Variants in PLXNA4 observed in about 807,000 individuals in gnomAD.
PLXNA4 encodes the protein plexin-A4.
Under a neutral mutation model 191.8 loss-of-function variants are expected in PLXNA4, and 44 were observed. The ratio of observed to expected loss-of-function variants is 0.23; its 90% CI spans 0.18 to 0.29. The LOEUF (loss-of-function observed/expected upper bound fraction) is 0.29. Ranked by LOEUF, PLXNA4 falls within the 10% of genes least tolerant of loss-of-function variation. The probability of loss-of-function intolerance (pLI) is 1.00; values close to 1 mark genes in which losing one functional copy is unlikely to be tolerated. For missense variants in PLXNA4, 1,800 were observed against 2,488.8 expected, an observed-to-expected ratio of 0.72 and a Z score of 5.89; for synonymous variants, 1,082 against 1,009.5, an observed-to-expected ratio of 1.07 and a Z score of -1.36.
chr7:132,594,915 A>G (rs779636164), intron 2 of PLXNA4, among the ~76,000 whole-genome samples: 2 of 8,440 alleles, frequency 2.4e-4, no homozygotes, highest in Non-Finnish European at 4.2e-4. Context: ...AGATAGGTAG[A>G]TAGATAGATA....
At chr7:132,550,286 G>A (rs935371577) in intron 1 of PLXNA4, among the ~76,000 whole-genome samples, 10 of 152,210 alleles carry the variant, frequency 6.6e-5, no homozygotes, top group African/African-American at 2.4e-4. Flanking sequence ...ACCCACAAGT[G>A]AGGACAGGTC....
chr7:132,635,175 TATA>T (rs1803573752), intron 2 of PLXNA4, among the ~76,000 whole-genome samples: 1 of 17,204 alleles, frequency 5.8e-5, no homozygotes, highest in Non-Finnish European at 1.0e-4. Context: ...CCCCTTTATA[TATA>T]TATATATATA....
At chr7:132,227,403 T>C (rs1270708965) in intron 7 of PLXNA4, 48 bp downstream of exon 7, 1 of 1,611,624 alleles carries the variant, frequency 6.2e-7, no homozygotes, top group Non-Finnish European at 8.5e-7. Flanking sequence ...TCTCCTTATC[T>C]AGCCAGGAGG....
chr7:132,265,662 A>G (rs956584855), intron 4 of PLXNA4, among the ~76,000 whole-genome samples: 1 of 152,166 alleles, frequency 6.6e-6, no homozygotes, highest in Non-Finnish European at 1.5e-5. Context: ...TACCTTGTGT[A>G]GCAGAAGCGA....
intron 3 of PLXNA4, among the ~76,000 whole-genome samples, chr7:132,365,131 G>T (rs1487739454): frequency 6.6e-6 from 1 of 152,086 alleles, no homozygotes; most frequent in Non-Finnish European, 1.5e-5. Context: ...CAAATTTGAA[G>T]GTTTAGGAAA....
chr7:132,398,475 T>C lies in PLXNA4; in HGVS notation c.1371+90817A>G, dbSNP rs1442302412. Among the ~76,000 whole-genome samples the C allele has an allele frequency of 2.6e-5, 4 of 152,192 alleles. No individual in the cohort carries two copies. The South Asian group carries it at 8.3e-4, about 32-fold the overall frequency. Reference sequence around the variant, plus strand: ...GCCCTGGGTGTGCGGGAGTCAGCTCTGTGGAGATGCCGTCCATGCCCGGTC... The same window carrying C: ...GCCCTGGGTGTGCGGGAGTCAGCTCCGTGGAGATGCCGTCCATGCCCGGTC... On this transcript the variant is annotated intron_variant, in intron 3 of 31. Coordinates refer to ENST00000321063, the MANE Select transcript of PLXNA4 (RefSeq NM_020911.2).
intron 25 of PLXNA4, among the ~76,000 whole-genome samples, chr7:132,150,332 T>C (rs991707252): frequency 7.9e-5 from 12 of 152,064 alleles, no homozygotes; most frequent in African/African-American, 2.4e-4. Context: ...CACTTTTGAG[T>C]GGTTGGAGCA....
intron 4 of PLXNA4, among the ~76,000 whole-genome samples, chr7:132,280,637 C>T (rs576681376): frequency 6.6e-6 from 1 of 152,254 alleles, no homozygotes; most frequent in Admixed American, 6.5e-5. Flanking sequence ...GACTAGAAGG[C>T]ATTGGGTAAA....
chr7:132,402,034 A>G (rs1794007433), intron 3 of PLXNA4, among the ~76,000 whole-genome samples: 1 of 152,200 alleles, frequency 6.6e-6, no homozygotes, highest in Non-Finnish European at 1.5e-5. Context: ...TCCCCAGTCG[A>G]GAGCCCAGCC....
intron 2 of PLXNA4, among the ~76,000 whole-genome samples, chr7:132,595,014 T>TAGACAGAC (rs1374406634): frequency 8.8e-5 from 2 of 22,842 alleles, no homozygotes; most frequent in Non-Finnish European, 2.6e-4. Context: ...GATAGATAGA[T>TAGACAGAC]AGATAGACAG....
At chr7:132,343,501 T>C (rs1459885434) in intron 3 of PLXNA4, among the ~76,000 whole-genome samples, 2 of 152,230 alleles carry the variant, frequency 1.3e-5, no homozygotes, top group South Asian at 2.1e-4. Context: ...CACTGTTCTT[T>C]CAGGAGGCCT....
chr7:132,146,099 A>G (rs935072112), intron 28 of PLXNA4, among the ~76,000 whole-genome samples: 76 of 150,460 alleles, frequency 5.1e-4, no homozygotes, highest in Non-Finnish European at 7.0e-4. Context: ...AAAAAAAAAA[A>G]AAAAGAAAAG....
intron 4 of PLXNA4, among the ~76,000 whole-genome samples, chr7:132,270,542 C>T (rs975377320): frequency 2.0e-5 from 3 of 152,228 alleles, no homozygotes; most frequent in African/African-American, 7.2e-5. Flanking sequence ...TTTTGGCATT[C>T]TGTCCCTGCT....
In PLXNA4 at chr7:132,367,490, G is replaced by T. The variant is rs151291548; in HGVS notation, c.1372-69268C>A. 5.3e-5 allele frequency among the ~76,000 whole-genome samples: 8 copies of T among 152,006 alleles called. 1 individual carries two copies. In the East Asian group the frequency reaches 7.7e-4, roughly 15 times the overall value. ...CTGCCATGGAGCCTGGAAGAAGAAA[G>T]GGGGGGTGAAGGTATTGGGAAGAAA... On this transcript the variant is annotated intron_variant, in intron 3 of 31. Coordinates refer to ENST00000321063, the MANE Select transcript of PLXNA4 (RefSeq NM_020911.2).
At chr7:132,344,995 A>G (rs1282225828) in intron 3 of PLXNA4, among the ~76,000 whole-genome samples, 1 of 152,158 alleles carries the variant, frequency 6.6e-6, no homozygotes. Flanking sequence ...GGTAAATAAT[A>G]CATATTTTCC....
At chr7:132,370,255 A>T (rs1397552152) in intron 3 of PLXNA4, among the ~76,000 whole-genome samples, 18 of 152,126 alleles carry the variant, frequency 1.2e-4, no homozygotes. Flanking sequence ...TGGTGAGTGG[A>T]TGCAGAGAGG....
intron 3 of PLXNA4, among the ~76,000 whole-genome samples, chr7:132,453,415 A>G (rs1471205097): frequency 6.6e-6 from 1 of 152,120 alleles, no homozygotes; most frequent in Non-Finnish European, 1.5e-5. Context: ...CCCTAGCTCT[A>G]TTGACTCAGA....
chr7:132,508,342 G>T lies in PLXNA4; in HGVS notation c.352C>A (p.Leu118Ile). ...LTTTNNVNKMLLIDYKENRLI... is the reference protein window; with the variant it reads ...LTTTNNVNKMILIDYKENRLI... The stretch of plus-strand genomic sequence containing the variant: ...CTGTTCTCCTTGTAGTCTATGAGGA[G>T]CATCTTGTTGACATTGTTGGTGGTG... Residue 118 changes from leucine to isoleucine, a missense_variant, in exon 2 of 32, where the codon CTC becomes ATC. Coordinates refer to ENST00000321063, the MANE Select transcript of PLXNA4 (RefSeq NM_020911.2). This position sits in a 1 kb window ranked among gnomAD's most constrained non-coding sequence, Gnocchi z 4.4. The T allele has an allele frequency of 3.1e-6, 5 of 1,614,204 alleles. No homozygotes were observed. The highest frequency in any genetic ancestry group is 4.2e-6 in the Non-Finnish European group (5 of 1,180,050).
At chr7:132,334,252 C>CTTTTTTTTTTTTTTTTTTTTT (rs71529758) in intron 3 of PLXNA4, among the ~76,000 whole-genome samples, 4 of 75,608 alleles carry the variant, frequency 5.3e-5, no homozygotes, top group African/African-American at 1.8e-4. Flanking sequence ...TTCTTTCTTT[C>CTTTTTTTTTTTTTTTTTTTTT]TTTTTTTTTT....
Sources: gnomAD v4.1 joint callset for allele counts (sites outside exome capture counted in the v4.1 genomes callset) on GRCh38, gnomAD v4.1.1 for gene constraint, Gnocchi (gnomAD v3.1) non-coding constraint, MANE v1.5 for transcripts, NCBI Gene and HGNC (gene_info 2026-07-23, HGNC 2026-07-21) for gene names.